The following FAM184A variants were observed in gnomAD, a reference collection of about 807,000 sequenced individuals.
The protein encoded by FAM184A is family with sequence similarity 184 member A.
A neutral mutation model predicts 143.8 loss-of-function variants in FAM184A; 99 were observed. The observed-to-expected ratio is 0.69, with a 90% CI of 0.58 to 0.81. FAM184A has a LOEUF of 0.81. Among genes scored for constraint, FAM184A ranks in the 40% least tolerant of loss-of-function variants. The pLI is 0.00. For missense variants in FAM184A, 1,217 were observed against 1,310.5 expected (o/e 0.93, Z 1.10); for synonymous variants, 427 against 446.4 (o/e 0.96, Z 0.55).
chr6:118,981,316 A>G (rs942042492), intron 9 of FAM184A, among the ~76,000 whole-genome samples: 1 of 152,230 alleles, frequency 6.6e-6, no homozygotes, highest in African/African-American at 2.4e-5. Context: ...TCTGTATTCT[A>G]AAAGAAGTCT....
chr6:118,997,901 T>A (rs1418790113), intron 9 of FAM184A, among the ~76,000 whole-genome samples: 1 of 152,166 alleles, frequency 6.6e-6, no homozygotes, highest in African/African-American at 2.4e-5. Flanking sequence ...TTGGATAGCA[T>A]TGGTCTAAAA....
chr6:119,115,178 C>T (rs1460334584), intron 1 of FAM184A, among the ~76,000 whole-genome samples: 1 of 152,152 alleles, frequency 6.6e-6, no homozygotes, highest in East Asian at 1.9e-4. Flanking sequence ...TTAAACTGGT[C>T]ACAAAGAAAC....
At chr6:118,977,413 C>CTACAAAAAT (rs1355736843) in intron 11 of FAM184A, among the ~76,000 whole-genome samples, 2 of 152,036 alleles carry the variant, frequency 1.3e-5, no homozygotes, top group African/African-American at 4.8e-5. Flanking sequence ...GAAACCCTGC[C>CTACAAAAAT]TACAAAAATT....
At chr6:119,027,717 T>C (rs1165879458) in intron 1 of FAM184A, among the ~76,000 whole-genome samples, 1 of 152,162 alleles carries the variant, frequency 6.6e-6, no homozygotes, top group African/African-American at 2.4e-5. Context: ...CATCCTAACA[T>C]ACATCCTTGA....
intron 1 of FAM184A, among the ~76,000 whole-genome samples, chr6:119,112,191 G>A (rs191250913): frequency 2.6e-5 from 4 of 151,710 alleles, no homozygotes; most frequent in Admixed American, 2.6e-4. Flanking sequence ...GAGTGCAATG[G>A]CGCAATCTCG....
At position 118,975,947 on chromosome 6, in the gene FAM184A, T is replaced by C. The variant is rs1397632077; in HGVS notation, c.2553A>G (p.Leu851=). 1 of 1,613,324 alleles carries C rather than the reference T, an allele frequency of 6.2e-7. No homozygotes were observed. ...TTCTGCTGATGTCTATGCTTCTCTC[T>C]AATTCCATTTTAGCAGCTGCCAATT... ...HQELAAAKME[L]ERSIDISRRQ... The change falls in exon 12 of 18, where the codon TTA becomes TTG. Residue 851 remains leucine (L), a synonymous_variant. Transcript: ENST00000338891.
intron 1 of FAM184A, among the ~76,000 whole-genome samples, chr6:119,108,688 C>G (rs1788854750): frequency 6.6e-6 from 1 of 152,082 alleles, no homozygotes; most frequent in South Asian, 2.1e-4. Flanking sequence ...GAAGGAGTCA[C>G]CCAGGGATTG....
chr6:119,121,417 G>A (rs1789209412), intron 1 of FAM184A, among the ~76,000 whole-genome samples: 1 of 152,114 alleles, frequency 6.6e-6, no homozygotes, highest in Admixed American at 6.5e-5. Context: ...GATTATAGGC[G>A]TGAGCCACCG....
Position 119,023,962 on chromosome 6 carries a change from A to G in FAM184A, c.1011T>C (p.Val337=), listed in dbSNP as rs773640923. The G allele has an allele frequency of 6.4e-7, 1 of 1,568,670 alleles. No individual in the cohort carries two copies. The highest frequency in any genetic ancestry group is 8.6e-7 in the Non-Finnish European group (1 of 1,165,160). ...QTALAIAENN[V]QVLQKQLDDA... ...GAATATAATATTCTTTACTTACCTG[A>G]ACATTGTTCTCTGCTATGGCAAGTG... The change falls in exon 2 of 18, where the codon GTT becomes GTC. Residue 337 remains valine, a synonymous_variant. Coordinates refer to ENST00000338891, the MANE Select transcript of FAM184A (RefSeq NM_024581.6).
At chr6:119,015,479 G>A (rs965167405) in intron 5 of FAM184A, among the ~76,000 whole-genome samples, 11 of 152,220 alleles carry the variant, frequency 7.2e-5, no homozygotes, top group Non-Finnish European at 1.5e-4. Flanking sequence ...GCCAGCGGCT[G>A]CGGAGGGTGT....
At chr6:118,991,742 C>G (rs1005549813) in intron 9 of FAM184A, among the ~76,000 whole-genome samples, 7 of 144,498 alleles carry the variant, frequency 4.8e-5, no homozygotes, top group Admixed American at 7.1e-5. Context: ...TGGGGTGCCC[C>G]TGAGAGGACT....
chr6:119,017,497 C>CAAAAAAAAA (rs539884989), intron 4 of FAM184A, among the ~76,000 whole-genome samples: 1 of 121,072 alleles, frequency 8.3e-6, no homozygotes. Flanking sequence ...GACTCCATCT[C>CAAAAAAAAA]AAAAAAAAAA....
At chr6:119,039,358 C>G (rs1245393826) in intron 1 of FAM184A, among the ~76,000 whole-genome samples, 2 of 152,168 alleles carry the variant, frequency 1.3e-5, no homozygotes, top group East Asian at 3.8e-4. Flanking sequence ...CAGCTTTATT[C>G]AAAAGTGCCA....
chr6:119,118,766 G>A (rs1789128025), intron 1 of FAM184A, among the ~76,000 whole-genome samples: 1 of 151,968 alleles, frequency 6.6e-6, no homozygotes, highest in Admixed American at 6.6e-5. Context: ...AGCACAAATT[G>A]TTTGTAGAGC....
At chr6:118,986,767 AT>A (rs941528625) in intron 9 of FAM184A, among the ~76,000 whole-genome samples, 37 of 152,268 alleles carry the variant, frequency 2.4e-4, no homozygotes, top group African/African-American at 8.7e-4. Flanking sequence ...AATTTTAAAA[AT>A]AATCATATCC....
At chr6:119,146,397 CGTGTGTGTGTGTGT>C (rs60937351) in intron 1 of FAM184A, among the ~76,000 whole-genome samples, 11 of 136,392 alleles carry the variant, frequency 8.1e-5, no homozygotes, top group East Asian at 2.2e-4. Flanking sequence ...GATTAACTTA[CGTGTGTGTGTGTGT>C]GTGTGTGTGT....
rs777528961 is a variant in FAM184A, at chr6:119,011,426, C to A, written c.1536G>T (p.Leu512Phe). 1 of 1,531,692 alleles carries A rather than the reference C, an allele frequency of 6.5e-7. No homozygotes were observed. Among genetic ancestry groups the A allele is most frequent in the Non-Finnish European group, 8.9e-7 (1 of 1,128,792 alleles). The allele number at this position is 1,531,692 out of a possible 1,614,324, so 94.9% of individuals were successfully genotyped here. A position where few individuals can be genotyped will look rare whatever the true frequency, so the allele number is the denominator to read the frequency against. ...GTTTATCTTTGTTATGTTGTTCTTC[C>A]AAATCCTTAGAAAAAGAAATTTTTT... ...IRDKKKLQMD[L>F]EEQHNKDKLN... Residue 512 changes from leucine to phenylalanine, a missense_variant, in exon 6 of 18, where the codon TTG (leucine) becomes TTT (phenylalanine). Leu to Phe is a conservative substitution (Grantham distance 22). Coordinates refer to ENST00000338891, the MANE Select transcript of FAM184A (RefSeq NM_024581.6).
chr6:119,036,512 TG>T (rs1007789960), intron 1 of FAM184A, among the ~76,000 whole-genome samples: 1 of 152,116 alleles, frequency 6.6e-6, no homozygotes, highest in African/African-American at 2.4e-5. Context: ...AGTCTAATAA[TG>T]TTGGAGGTAT....
intron 1 of FAM184A, among the ~76,000 whole-genome samples, chr6:119,085,825 G>A (rs1030579656): frequency 1.3e-5 from 2 of 152,198 alleles, no homozygotes; most frequent in Non-Finnish European, 2.9e-5. Flanking sequence ...TCATGGAGGA[G>A]GGTGAAGGGG....
Sources: allele counts gnomAD v4.1 joint callset (sites outside exome capture counted in the v4.1 genomes callset), GRCh38; gene constraint gnomAD v4.1.1; transcripts MANE v1.5; gene names NCBI Gene and HGNC (gene_info 2026-07-23, HGNC 2026-07-21).